PRKN: variants seen among roughly 807,000 people sequenced by gnomAD.
PRKN encodes parkin RBR E3 ubiquitin protein ligase, also known as E3 ubiquitin-protein ligase parkin.
In PRKN, 56 loss-of-function variants were observed where a neutral mutation model predicts 59.5. The observed-to-expected ratio is 0.94, with a 90% CI of 0.76 to 1.18. The LOEUF is 1.18. Ranked by LOEUF, PRKN falls within the 50% of genes most tolerant of loss-of-function variation. The pLI is 0.00. For missense variants in PRKN, 657 were observed against 596.4 expected (o/e 1.10, Z -1.06); for synonymous variants, 250 against 222.1 (o/e 1.13, Z -1.12).
chr6:161,860,928 C>T (rs559036142), intron 6 of PRKN, among the ~76,000 whole-genome samples: 2 of 152,302 alleles, frequency 1.3e-5, no homozygotes, highest in East Asian at 3.9e-4. Flanking sequence ...AGTCAGGAAA[C>T]AACAGATGCT....
At chr6:162,510,199 C>T (rs1777534339) in intron 1 of PRKN, among the ~76,000 whole-genome samples, 1 of 152,226 alleles carries the variant, frequency 6.6e-6, no homozygotes, top group African/African-American at 2.4e-5. Flanking sequence ...TTTTTATTTA[C>T]TTAATCCAAA....
intron 1 of PRKN, among the ~76,000 whole-genome samples, chr6:162,671,467 C>T (rs1241956452): frequency 1.3e-5 from 2 of 149,006 alleles, no homozygotes; most frequent in African/African-American, 5.0e-5. Flanking sequence ...CCACTGCACT[C>T]CAGGCTGGCA....
chr6:162,377,918 G>C (rs765223414), intron 2 of PRKN, among the ~76,000 whole-genome samples: 6 of 152,166 alleles, frequency 3.9e-5, no homozygotes, highest in Non-Finnish European at 1.5e-5. Flanking sequence ...TGGGCAAGAG[G>C]AGGAAAGAAA....
chr6:161,982,231 C>CAGTCATTACTGA (rs1554257330), intron 5 of PRKN, among the ~76,000 whole-genome samples: 9 of 149,722 alleles, frequency 6.0e-5, no homozygotes, highest in South Asian at 2.1e-4. Context: ...AAAAGGTTTG[C>CAGTCATTACTGA]CCACTGCTCA....
intron 7 of PRKN, among the ~76,000 whole-genome samples, chr6:161,609,054 G>A (rs1782391978): frequency 6.6e-6 from 1 of 152,138 alleles, no homozygotes; most frequent in Non-Finnish European, 1.5e-5. Flanking sequence ...ACTAAGGGCA[G>A]CATCTTCAGC....
chr6:162,682,920 A>T (rs1779826448), intron 1 of PRKN, among the ~76,000 whole-genome samples: 1 of 152,178 alleles, frequency 6.6e-6, no homozygotes, highest in African/African-American at 2.4e-5. Flanking sequence ...AGAACTATAC[A>T]AATAAGGTAT....
At chr6:162,026,237 A>G (rs1440179042) in intron 5 of PRKN, among the ~76,000 whole-genome samples, 1 of 152,212 alleles carries the variant, frequency 6.6e-6, no homozygotes, top group East Asian at 1.9e-4. Flanking sequence ...TCGCGTATTC[A>G]TAGACACATG....
intron 6 of PRKN, among the ~76,000 whole-genome samples, chr6:161,928,678 C>T (rs2128240390): frequency 6.6e-6 from 1 of 152,282 alleles, no homozygotes; most frequent in Non-Finnish European, 1.5e-5. Context: ...CCTGGAATTA[C>T]AACAGCTGAC....
intron 2 of PRKN, among the ~76,000 whole-genome samples, chr6:162,305,374 T>C (rs1330111302): frequency 6.6e-6 from 1 of 151,782 alleles, no homozygotes; most frequent in Non-Finnish European, 1.5e-5. Context: ...GATTTCCCCA[T>C]TCTACCTCTA....
At position 161,410,280 on chromosome 6, in the gene PRKN, G is replaced by A. The variant is rs772193895; in HGVS notation, c.1084-23403C>T. 3.9e-5 allele frequency among the ~76,000 whole-genome samples: 6 copies of A among 152,274 alleles called. No individual in the cohort carries two copies. The highest frequency in any genetic ancestry group is 2.1e-4 in the South Asian group (1 of 4,826). On this transcript the variant is annotated intron_variant, in intron 9 of 11. Coordinates refer to ENST00000366898, the MANE Select transcript of PRKN (RefSeq NM_004562.3). This position sits in a 1 kb window ranked among gnomAD's most constrained non-coding sequence, Gnocchi z 5.3. ...CTTGTCCCAGAGCTGGTGGCCTGCT[G>A]TGTCCTCCTCCAGTGTATCTGGGAG...
At chr6:162,399,795 T>A (rs1380394520) in intron 2 of PRKN, among the ~76,000 whole-genome samples, 2 of 146,728 alleles carry the variant, frequency 1.4e-5, no homozygotes, top group Non-Finnish European at 1.5e-5. Flanking sequence ...GAAAAAAAAA[T>A]AAAAATAAGA....
chr6:161,861,167 A>C (rs944668743), intron 6 of PRKN, among the ~76,000 whole-genome samples: 1 of 152,168 alleles, frequency 6.6e-6, no homozygotes, highest in African/African-American at 2.4e-5. Flanking sequence ...ATAGCAAAGA[A>C]CCATCCCAAA....
intron 5 of PRKN, among the ~76,000 whole-genome samples, chr6:162,009,928 T>A (rs995869434): frequency 6.6e-6 from 1 of 151,294 alleles, no homozygotes; most frequent in Non-Finnish European, 1.5e-5. Context: ...AGAGCAAGAC[T>A]CTGCGTCAAA....
At chr6:162,026,131 C>CT (rs1783425493) in intron 5 of PRKN, among the ~76,000 whole-genome samples, 1 of 150,860 alleles carries the variant, frequency 6.6e-6, no homozygotes, top group South Asian at 2.2e-4. Context: ...TTTCTTAGTT[C>CT]TTTCAGTGAA....
intron 7 of PRKN, among the ~76,000 whole-genome samples, chr6:161,721,510 T>C (rs995961953): frequency 3.9e-5 from 6 of 152,228 alleles, no homozygotes; most frequent in African/African-American, 1.4e-4. Flanking sequence ...GGCTAAGTAG[T>C]GATTATTTAC....
At chr6:162,715,755 T>A (rs2128239495) in intron 1 of PRKN, among the ~76,000 whole-genome samples, 1 of 152,248 alleles carries the variant, frequency 6.6e-6, no homozygotes, top group Middle Eastern at 3.4e-3. Flanking sequence ...TAATCTATCA[T>A]CACCTCCCAC....
chr6:162,037,870 C>T (rs977574910), intron 5 of PRKN, among the ~76,000 whole-genome samples: 6 of 151,606 alleles, frequency 4.0e-5, no homozygotes, highest in African/African-American at 7.3e-5. Context: ...GGTGAAAGTA[C>T]GTTGGCTAAT....
chr6:161,392,686 T>C, intron 9 of PRKN, among the ~76,000 whole-genome samples: 1 of 151,918 alleles, frequency 6.6e-6, no homozygotes, highest in Admixed American at 6.6e-5. Flanking sequence ...CCTTGGTATG[T>C]TTTCAAGCTT....
rs1781804962 is a variant in PRKN at position 161,593,614 on chromosome 6, G to A, written c.872-24198C>T. The stretch of plus-strand genomic sequence containing the variant: ...GCCCTGTGGAGCAGACAAAGGAAAA[G>A]GAGGCAGGGGTTGCGCTGCCACTTT... On this transcript the variant is annotated intron_variant, in intron 7 of 11. Transcript: ENST00000366898. The surrounding 1 kb of genome is among the most constrained non-coding windows in gnomAD (Gnocchi z 4.8). 6.6e-6 allele frequency among the ~76,000 whole-genome samples: 1 copy of A among 152,172 alleles called. No individual in the cohort carries two copies. Among genetic ancestry groups the A allele is most frequent in the African/African-American group, 2.4e-5 (1 of 41,444 alleles).
Sources: gnomAD v4.1 joint callset for allele counts (sites outside exome capture counted in the v4.1 genomes callset) on GRCh38, gnomAD v4.1.1 for gene constraint, Gnocchi (gnomAD v3.1) non-coding constraint, MANE v1.5 for transcripts, NCBI Gene and HGNC (gene_info 2026-07-23, HGNC 2026-07-21) for gene names.